The following SLC6A15 variants were observed in gnomAD, a reference collection of about 807,000 sequenced individuals.
SLC6A15 encodes the protein solute carrier family 6 member 15, also known as sodium-dependent neutral amino acid transporter B(0)AT2.
Under a neutral mutation model 68.5 loss-of-function variants are expected in SLC6A15, and 33 were observed. The observed-to-expected ratio is 0.48, with a 90% CI of 0.37 to 0.64. The LOEUF (loss-of-function observed/expected upper bound fraction) is 0.64, where lower values mean the gene tolerates loss of function less well. Ranked by LOEUF, SLC6A15 falls within the 30% of genes least tolerant of loss-of-function variation. The pLI is 0.00. For synonymous variants in SLC6A15, 347 were observed against 301.0 expected, an observed-to-expected ratio of 1.15 and a Z score of -1.58; for missense variants, 747 against 874.3, an observed-to-expected ratio of 0.85 and a Z score of 1.84.
chr12:84,882,597 G>T, intron 5 of SLC6A15: 1 of 384,070 alleles, frequency 2.6e-6, no homozygotes, highest in Non-Finnish European at 3.6e-6. Flanking sequence ...ACTAGGACGG[G>T]GTGAGACATT....
chr12:84,872,126 C>G (rs573714473), intron 8 of SLC6A15, among the ~76,000 whole-genome samples: 2 of 149,204 alleles, frequency 1.3e-5, no homozygotes, highest in Non-Finnish European at 3.0e-5. Flanking sequence ...CACTGCACCC[C>G]GGCCTGGGCG....
chr12:84,908,437 C>T (rs556184611), intron 1 of SLC6A15, among the ~76,000 whole-genome samples: 142 of 151,816 alleles, frequency 9.4e-4, no homozygotes, highest in African/African-American at 3.4e-3. Context: ...CGTCAAAATA[C>T]TCATTGACTT....
At chr12:84,893,145 G>A (rs142725459) in intron 1 of SLC6A15, among the ~76,000 whole-genome samples, 40 of 152,170 alleles carry the variant, frequency 2.6e-4, no homozygotes, top group African/African-American at 8.2e-4. Flanking sequence ...TCAATGAAAC[G>A]TACAAAGCAT....
intron 1 of SLC6A15, among the ~76,000 whole-genome samples, chr12:84,909,067 T>C (rs80254290): frequency 0.04 from 6,104 of 152,240 alleles, 385 homozygotes; most frequent in African/African-American, 0.13. Flanking sequence ...TCAAAAGGTA[T>C]GAGCTTTTAT....
chr12:84,880,576 A>T (rs1190887667), intron 5 of SLC6A15, among the ~76,000 whole-genome samples: 1 of 152,156 alleles, frequency 6.6e-6, no homozygotes, highest in Non-Finnish European at 1.5e-5. Flanking sequence ...AGAACATAGT[A>T]AGTGCTTAAT....
chr12:84,869,185 C>T (rs1411148957), intron 9 of SLC6A15, among the ~76,000 whole-genome samples: 1 of 152,044 alleles, frequency 6.6e-6, no homozygotes, highest in African/African-American at 2.4e-5. Flanking sequence ...AAGAGCTGGG[C>T]ACGGTGGCTC....
chr12:84,900,069 T>C (rs79401211), intron 1 of SLC6A15, among the ~76,000 whole-genome samples: 2,261 of 152,146 alleles, frequency 0.015, 55 homozygotes, highest in African/African-American at 0.052. Context: ...CATTGATCTA[T>C]TTGGGGAACA....
chr12:84,882,204 T>C, intron 5 of SLC6A15: 1 of 985,360 alleles, frequency 1.0e-6, no homozygotes, highest in Non-Finnish European at 1.2e-6. Context: ...CACAGTTGGT[T>C]TTCTTTCTAC....
intron 1 of SLC6A15, among the ~76,000 whole-genome samples, chr12:84,896,148 A>G (rs1208627493): frequency 6.6e-6 from 1 of 152,190 alleles, no homozygotes; most frequent in Non-Finnish European, 1.5e-5. Flanking sequence ...GCTATCACTC[A>G]CTGCACTTCA....
intron 5 of SLC6A15, among the ~76,000 whole-genome samples, chr12:84,879,855 G>A (rs1050338239): frequency 5.3e-5 from 8 of 152,172 alleles, no homozygotes; most frequent in Non-Finnish European, 7.3e-5. Context: ...ATCAGTGCCT[G>A]ACAAATAGCA....
In SLC6A15 at chr12:84,867,025, T is replaced by C. The variant is rs201999277; in HGVS notation, c.1655+9A>G. 3.4e-4 allele frequency: 529 copies of C among 1,570,540 alleles called. 1 individual carries two copies. Among genetic ancestry groups the C allele is most frequent in the Middle Eastern group, 1.9e-4 (1 of 5,254 alleles). On this transcript the variant is annotated intron_variant, in intron 10 of 11. Coordinates refer to ENST00000266682, the MANE Select transcript of SLC6A15 (RefSeq NM_182767.6). ...TTAAAAGTGAATACATAAAAGCAAATATACTTACTTATCTATGCCATAAAC... is the reference window on the plus strand; with the variant it reads ...TTAAAAGTGAATACATAAAAGCAAACATACTTACTTATCTATGCCATAAAC...
chr12:84,892,612 A>AT (rs1344994953), intron 1 of SLC6A15, among the ~76,000 whole-genome samples: 2 of 151,860 alleles, frequency 1.3e-5, no homozygotes, highest in Non-Finnish European at 2.9e-5. Flanking sequence ...TTAATTCTTT[A>AT]TTTTTTCCTC....
intron 3 of SLC6A15, 106 bp from the exon 4 acceptor site, chr12:84,885,667 T>C: frequency 8.0e-7 from 1 of 1,248,036 alleles, no homozygotes; most frequent in Middle Eastern, 2.8e-4. Context: ...CCTCTTCATT[T>C]TATTATTTAT....
chr12:84,903,376 C>G (rs1437043619), intron 1 of SLC6A15, among the ~76,000 whole-genome samples: 1 of 151,984 alleles, frequency 6.6e-6, no homozygotes, highest in Non-Finnish European at 1.5e-5. Flanking sequence ...TACCCTAAAA[C>G]TTAAAGTATA....
rs1020783380 is a variant in SLC6A15, at chr12:84,860,171, T to G, written c.*1461A>C. ...TCTATAGCAGAGCGAGAATACTGGC[T>G]GAAATAAATCAATTGATATGGCATG... On this transcript the variant is annotated 3_prime_UTR_variant, in exon 12 of 12. Coordinates refer to ENST00000266682, the MANE Select transcript of SLC6A15 (RefSeq NM_182767.6). 8.5e-5 allele frequency: 13 copies of G among 152,072 alleles called. No homozygotes were observed. Among genetic ancestry groups the G allele is most frequent in the African/African-American group, 2.7e-4 (11 of 41,444 alleles). 9.4% of individuals were successfully genotyped at this position (152,072 alleles called of 1,614,324 possible).
At chr12:84,889,677 T>C (rs981632422) in intron 2 of SLC6A15, among the ~76,000 whole-genome samples, 17 of 152,148 alleles carry the variant, frequency 1.1e-4, no homozygotes, top group Admixed American at 3.3e-4. Flanking sequence ...TCTAAGCACA[T>C]TACCTGTAGC....
Position 84,885,926 on chromosome 12 carries a change from T to A in SLC6A15, c.432A>T (p.Gly144=). ...GGAAACTTACTACACAACTTGCAAA[T>A]CCAATCCCGCCCAGTTTAGGGCTTA... ...NYISPKLGGI[G]FASCVVCYFV... Residue 144 remains glycine (G), a synonymous_variant, in exon 3 of 12, where the codon GGA becomes GGT. Coordinates refer to ENST00000266682, the MANE Select transcript of SLC6A15 (RefSeq NM_182767.6). 3 of 1,608,104 alleles carry A rather than the reference T, an allele frequency of 1.9e-6. No individual in the cohort carries two copies. The highest frequency in any genetic ancestry group is 2.5e-6 in the Non-Finnish European group (3 of 1,177,462).
At chr12:84,894,460 A>T (rs1054368704) in intron 1 of SLC6A15, among the ~76,000 whole-genome samples, 2 of 152,056 alleles carry the variant, frequency 1.3e-5, no homozygotes, top group Non-Finnish European at 2.9e-5. Flanking sequence ...TTGGTTTCTT[A>T]TTCCTTTTGC....
chr12:84,866,969 A>G, intron 10 of SLC6A15, 65 bp downstream of exon 10: 2 of 1,306,570 alleles, frequency 1.5e-6, no homozygotes, highest in Non-Finnish European at 2.1e-6. Context: ...AATGAAATGA[A>G]CATTGATAAT....
Sources: gnomAD v4.1 joint callset for allele counts (sites outside exome capture counted in the v4.1 genomes callset) on GRCh38, gnomAD v4.1.1 for gene constraint, MANE v1.5 for transcripts, NCBI Gene and HGNC (gene_info 2026-07-23, HGNC 2026-07-21) for gene names.